Variants in LRRC47 observed in about 807,000 individuals in gnomAD.
The protein encoded by LRRC47 is leucine-rich repeat-containing protein 47.
LRRC47 carries 31 observed loss-of-function variants against 40.9 expected under a neutral mutation model. The ratio of observed to expected loss-of-function variants is 0.76; its 90% confidence interval spans 0.57 to 1.02. The LOEUF is 1.02. Among genes scored for constraint, LRRC47 ranks in the 50% least tolerant of loss-of-function variants. The pLI is 0.00. For synonymous variants in LRRC47, 427 were observed against 371.9 expected (o/e 1.15, Z -1.70); for missense variants, 726 against 796.1 (o/e 0.91, Z 1.06).
chr1:3,780,943 T>G lies in LRRC47; in HGVS notation c.*145A>C, dbSNP rs1000916168. 31 of 1,280,560 alleles carry G rather than the reference T, an allele frequency of 2.4e-5. No individual in the cohort carries two copies. The Admixed American group carries it at 4.9e-4, about 20-fold the overall frequency. The allele number at this position is 1,280,560 out of a possible 1,614,324, so 79.3% of individuals were successfully genotyped here. On this transcript the variant is annotated 3_prime_UTR_variant, in exon 7 of 7. Transcript: ENST00000378251. ...GTGACTCGAGATCACGCCACTGCAC[T>G]CCAGCCTGGCGACAGAGCGAGACTC...
intron 2 of LRRC47, among the ~76,000 whole-genome samples, chr1:3,786,506 A>C (rs1254252486): frequency 1.3e-5 from 2 of 152,080 alleles, no homozygotes; most frequent in Admixed American, 6.6e-5. Context: ...TAAAAAAAAA[A>C]AATCAGGATA....
rs140085613 is a variant in LRRC47 at position 3,782,239 on chromosome 1, C to T, written c.1413+422G>A. 9.9e-3 allele frequency among the ~76,000 whole-genome samples: 1,466 copies of T among 148,662 alleles called. 47 individuals are homozygous for T. In the East Asian group the frequency reaches 0.11, roughly 11 times the overall value. ...CCTCTTCTTTTTTTTTTTCTGGAGA[C>T]GGAGTTTCACTCTTGTTGCCCAGGC... On this transcript the variant is annotated intron_variant, in intron 5 of 6. Transcript: ENST00000378251.
chr1:3,781,366 G>C, intron 6 of LRRC47, 30 bp from the exon 7 acceptor site: 1 of 1,604,692 alleles, frequency 6.2e-7, no homozygotes, highest in Non-Finnish European at 8.5e-7. Flanking sequence ...TTTTAACCTG[G>C]AGATGAGAGG....
At chr1:3,788,205 C>G (rs938422763) in intron 1 of LRRC47, among the ~76,000 whole-genome samples, 1 of 152,244 alleles carries the variant, frequency 6.6e-6, no homozygotes, top group African/African-American at 2.4e-5. Context: ...TCCGCCTCCA[C>G]TCTGCTCTTT....
intron 6 of LRRC47, 77 bp from the exon 7 acceptor site, chr1:3,781,413 G>C (rs1428889591): frequency 6.3e-7 from 1 of 1,575,754 alleles, no homozygotes; most frequent in East Asian, 2.3e-5. Flanking sequence ...TGCCAACACA[G>C]TAAGCAAAAA....
intron 3 of LRRC47, 143 bp downstream of exon 3, chr1:3,784,944 G>A (rs1418565504): frequency 6.5e-6 from 3 of 462,406 alleles, no homozygotes; most frequent in South Asian, 2.6e-5. Context: ...GCAGTGAGCC[G>A]AGATTGTGCC....
Position 3,786,839 on chromosome 1 carries a change from G to C in LRRC47, c.1077+10C>G. ...GTCCCAGTCATCTGAGGACCCCCACGGGCACCCACCTGCGAGGTGAGGAAG... is the reference window on the plus strand; with the variant it reads ...GTCCCAGTCATCTGAGGACCCCCACCGGCACCCACCTGCGAGGTGAGGAAG... On this transcript the variant is annotated intron_variant, in intron 2 of 6. Transcript: ENST00000378251. 1 of 1,573,158 alleles carries C rather than the reference G, an allele frequency of 6.4e-7. No individual in the cohort carries two copies. The highest frequency in any genetic ancestry group is 1.2e-5 in the South Asian group (1 of 85,614).
intron 2 of LRRC47, among the ~76,000 whole-genome samples, chr1:3,785,843 TATCAAAAA>T (rs1643566959): frequency 6.7e-6 from 1 of 150,074 alleles, no homozygotes; most frequent in Admixed American, 6.6e-5. Flanking sequence ...CCCACCAAAA[TATCAAAAA>T]ATCAAGGAAC....
At chr1:3,784,531 G>A (rs1424016940) in intron 3 of LRRC47, among the ~76,000 whole-genome samples, 2 of 151,764 alleles carry the variant, frequency 1.3e-5, no homozygotes, top group South Asian at 2.1e-4. Context: ...TATCGGGACA[G>A]AGACCAAAAT....
chr1:3,781,071 G>A lies in LRRC47; in HGVS notation c.*17C>T. On this transcript the variant is annotated 3_prime_UTR_variant, in exon 7 of 7. Transcript: ENST00000378251. Reference sequence around the variant, plus strand: ...CCGCAAAACCGGCCAAACAAACGCGGACAGGCGGCCCTGGCGTCAGCGCAC... The same window carrying A: ...CCGCAAAACCGGCCAAACAAACGCGAACAGGCGGCCCTGGCGTCAGCGCAC... The A allele has an allele frequency of 6.2e-7, 1 of 1,604,210 alleles. No homozygotes were observed. Among genetic ancestry groups the A allele is most frequent in the Non-Finnish European group, 8.5e-7 (1 of 1,172,712 alleles).
At chr1:3,788,843 C>T (rs187353042) in intron 1 of LRRC47, among the ~76,000 whole-genome samples, 8 of 152,262 alleles carry the variant, frequency 5.3e-5, no homozygotes, top group African/African-American at 1.2e-4. Flanking sequence ...AAAGGGCTCG[C>T]GTGCCCTCTG....
At position 3,779,405 on chromosome 1, in the gene LRRC47, CATG is replaced by C. The variant is rs1643497243; in HGVS notation, c.*1680_*1682del. ...ATAAAGCTGATGAGTCTGCTTCTCA[CATG>C]GCACCCAGATCGTAAGGCAGTGGGG... On this transcript the variant is annotated 3_prime_UTR_variant, in exon 7 of 7. Coordinates refer to ENST00000378251, the MANE Select transcript of LRRC47 (RefSeq NM_020710.3). The C allele has an allele frequency of 6.6e-6, 1 of 152,258 alleles. No homozygotes were observed. The highest frequency in any genetic ancestry group is 1.5e-5 in the Non-Finnish European group (1 of 68,050). 9.4% of individuals were successfully genotyped at this position (152,258 alleles called of 1,614,324 possible).
chr1:3,781,639 CA>C, intron 5 of LRRC47, 38 bp from the exon 6 acceptor site: 2 of 1,511,402 alleles, frequency 1.3e-6, no homozygotes, highest in Non-Finnish European at 1.8e-6. Context: ...GAACAGTTAT[CA>C]AATGTAGACA....
intron 1 of LRRC47, among the ~76,000 whole-genome samples, chr1:3,795,561 A>G (rs1643665494): frequency 6.6e-6 from 1 of 152,266 alleles, no homozygotes. Context: ...CTACAGGAGA[A>G]GCCAGGTTTG....
At position 3,786,901 on chromosome 1, in the gene LRRC47, C is replaced by T. The variant is rs760459981; in HGVS notation, c.1025G>A (p.Arg342Gln). The change falls in exon 2 of 7, where the codon CGA (arginine) becomes CAA (glutamine). Residue 342 changes from arginine (R) to glutamine (Q), a missense_variant. Coordinates refer to ENST00000378251, the MANE Select transcript of LRRC47 (RefSeq NM_020710.3). Reference protein sequence around the residue: ...VRPYIVGAVVRGMDLQPGNAL... With the variant: ...VRPYIVGAVVQGMDLQPGNAL... ...ATTCCCTGGCTGCAGGTCCATGCCT[C>T]GCACCACGGCCCCCACAATGTAGGG... 3.7e-6 allele frequency: 6 copies of T among 1,605,754 alleles called. No individual in the cohort carries two copies. The highest frequency in any genetic ancestry group is 1.1e-5 in the South Asian group (1 of 89,512).
At chr1:3,788,034 G>A (rs1238913495) in intron 1 of LRRC47, among the ~76,000 whole-genome samples, 1 of 152,200 alleles carries the variant, frequency 6.6e-6, no homozygotes, top group Non-Finnish European at 1.5e-5. Context: ...TTGGCAAAAC[G>A]TGCAGGTGAC....
intron 1 of LRRC47, among the ~76,000 whole-genome samples, chr1:3,794,997 T>C (rs1643659808): frequency 7.4e-6 from 1 of 134,582 alleles, no homozygotes; most frequent in Non-Finnish European, 1.5e-5. Flanking sequence ...GAGGTTGAAG[T>C]GAGCCGAGAT....
chr1:3,785,225 G>A (rs1643560917), intron 2 of LRRC47, 22 bp from the exon 3 acceptor site: 4 of 1,493,942 alleles, frequency 2.7e-6, no homozygotes, highest in Non-Finnish European at 3.6e-6. Flanking sequence ...AAGCAGTGAT[G>A]AGCAAGGTCT....
chr1:3,784,922 GA>G, intron 3 of LRRC47, 164 bp downstream of exon 3: 1 of 414,216 alleles, frequency 2.4e-6, no homozygotes, highest in Non-Finnish European at 4.4e-6. Flanking sequence ...TTCAACCCAG[GA>G]GGCAGAGGCT....
Sources: allele counts gnomAD v4.1 joint callset (sites outside exome capture counted in the v4.1 genomes callset), GRCh38; gene constraint gnomAD v4.1.1; transcripts MANE v1.5; gene names NCBI Gene and HGNC (gene_info 2026-07-23, HGNC 2026-07-21).